The following RASGRF1 variants were observed in gnomAD, a reference collection of about 807,000 sequenced individuals.
RASGRF1 encodes ras-specific guanine nucleotide-releasing factor 1.
A neutral mutation model predicts 138.7 loss-of-function variants in RASGRF1; 40 were observed. The ratio of observed to expected loss-of-function variants is 0.29; its 90% CI spans 0.22 to 0.38. The LOEUF (loss-of-function observed/expected upper bound fraction) is 0.38, where lower values mean the gene tolerates loss of function less well. Among genes scored for constraint, RASGRF1 ranks in the 10% least tolerant of loss-of-function variants. The pLI is 1.00. For missense variants in RASGRF1, 1,108 were observed against 1,650.4 expected, an observed-to-expected ratio of 0.67 and a Z score of 5.69; for synonymous variants, 614 against 663.2, an observed-to-expected ratio of 0.93 and a Z score of 1.14.
At position 79,032,269 on chromosome 15, in the gene RASGRF1, A is replaced by C; in HGVS notation, c.1006T>G (p.Phe336Val). 1 of 1,613,898 alleles carries C rather than the reference A, an allele frequency of 6.2e-7. No homozygotes were observed. The highest frequency in any genetic ancestry group is 8.5e-7 in the Non-Finnish European group (1 of 1,179,922). ...LLPMLNIYQEFVRNHQYSLQI... is the reference protein window; with the variant it reads ...LLPMLNIYQEVVRNHQYSLQI... ...AGGCTGTACTGGTGGTTGCGGACGAACTCTTGGTAGATGTTGAGCATGGGC... is the reference window on the plus strand; with the variant it reads ...AGGCTGTACTGGTGGTTGCGGACGACCTCTTGGTAGATGTTGAGCATGGGC... Residue 336 changes from phenylalanine (F) to valine (V), a missense_variant, in exon 7 of 27, where the codon TTC becomes GTC. Physicochemically the swap from Phe to Val is conservative, Grantham distance 50 (BLOSUM62 -1). This residue lies in a region of RASGRF1 where 169 missense variants were observed against 344.2 expected (regional missense o/e 0.49). Coordinates refer to ENST00000558480, the MANE Select transcript of RASGRF1 (RefSeq NM_001145648.3). This position sits in a 1 kb window ranked among gnomAD's most constrained non-coding sequence, Gnocchi z 4.5.
intron 24 of RASGRF1, among the ~76,000 whole-genome samples, chr15:78,974,307 G>A (rs904922863): frequency 6.6e-6 from 1 of 152,168 alleles, no homozygotes; most frequent in African/African-American, 2.4e-5. Context: ...ACACAGATGC[G>A]GTGGCATCAT....
chr15:79,031,275 G>A (rs1031705014), intron 8 of RASGRF1, 125 bp downstream of exon 8: 3 of 752,964 alleles, frequency 4.0e-6, no homozygotes, highest in Middle Eastern at 7.6e-4. Context: ...GTGGCAAGCT[G>A]TGCCCCTCCC....
Position 79,090,308 on chromosome 15 carries a change from C to A in RASGRF1, c.191G>T (p.Gly64Val). Reference protein sequence around the residue: ...FESDSSSRPSGLYLLEGCVCD... With the variant: ...FESDSSSRPSVLYLLEGCVCD... ...GACGCAGCCCTCCAGCAGGTAAAGC[C>A]CCGAGGGCCGCGAGCTCGAGTCGCT... Residue 64 changes from glycine (G) to valine (V), a missense_variant, in exon 1 of 27, where the codon GGG becomes GTG. By Grantham distance (109) the Gly-to-Val change is moderately radical. This residue lies in a region of RASGRF1 where 253 missense variants were observed against 329.5 expected (regional missense o/e 0.77). Coordinates refer to ENST00000558480, the MANE Select transcript of RASGRF1 (RefSeq NM_001145648.3). 6.2e-7 allele frequency: 1 copy of A among 1,613,744 alleles called. No individual in the cohort carries two copies. Among genetic ancestry groups the A allele is most frequent in the Non-Finnish European group, 8.5e-7 (1 of 1,179,954 alleles).
chr15:79,024,159 C>T (rs550102271), intron 10 of RASGRF1, among the ~76,000 whole-genome samples: 2 of 151,710 alleles, frequency 1.3e-5, no homozygotes, highest in East Asian at 1.9e-4. Flanking sequence ...CACACATATA[C>T]ACATATACCA....
In RASGRF1 at chr15:79,090,270, G is replaced by A; in HGVS notation, c.229C>T (p.Pro77Ser). ...LLEGCVCDRA[P>S]SPKPALSAKE... ...GCCGACAGCGCCGGCTTGGGGGAGG[G>A]CGCGCGGTCGCAGACGCAGCCCTCC... is the stretch of plus-strand genomic sequence containing the variant. Residue 77 changes from proline to serine, a missense_variant, in exon 1 of 27, where the codon CCC becomes TCC. This residue lies in a region of RASGRF1 where 253 missense variants were observed against 329.5 expected (regional missense o/e 0.77). Transcript: ENST00000558480. 6.2e-7 allele frequency: 1 copy of A among 1,611,248 alleles called. No homozygotes were observed. Among genetic ancestry groups the A allele is most frequent in the East Asian group, 2.2e-5 (1 of 44,828 alleles).
At chr15:79,017,602 G>A (rs2056897295) in intron 12 of RASGRF1, among the ~76,000 whole-genome samples, 168 bp downstream of exon 12, 1 of 152,188 alleles carries the variant, frequency 6.6e-6, no homozygotes, top group African/African-American at 2.4e-5. Context: ...TGGACTAGCT[G>A]AGCTCAGCTT....
chr15:79,046,651 CGGTG>C lies in RASGRF1; in HGVS notation c.878+91_878+94del. ...GTCCTCTCTGGGCCTCATCTGCACT[CGGTG>C]GGAACCACGTGAGAGAGTGTGTCAA... is the stretch of plus-strand genomic sequence containing the variant. On this transcript the variant is annotated intron_variant, in intron 5 of 26. Coordinates refer to ENST00000558480, the MANE Select transcript of RASGRF1 (RefSeq NM_001145648.3). This position sits in a 1 kb window ranked among gnomAD's most constrained non-coding sequence, Gnocchi z 5.3. 6.4e-7 allele frequency: 1 copy of C among 1,556,352 alleles called. No homozygotes were observed. The highest frequency in any genetic ancestry group is 8.8e-7 in the Non-Finnish European group (1 of 1,142,800).
In RASGRF1 at chr15:79,003,815, C is replaced by G. The variant is rs777901901; in HGVS notation, c.2436G>C (p.Ala812=). 6 of 1,599,880 alleles carry G rather than the reference C, an allele frequency of 3.8e-6. No homozygotes were observed. The South Asian group carries it at 6.7e-5, about 18-fold the overall frequency. The stretch of plus-strand genomic sequence containing the variant: ...ATGGCCACTCACTCTGCTTGCTGAG[C>G]GCTGAAGGGTCTTCGGGCTTCTCAG... ...TTPEKPEDPS[A]LSKQSSEVSM... The change falls in exon 15 of 27, where the codon GCG becomes GCC. Residue 812 remains alanine, a synonymous_variant. Transcript: ENST00000558480.
At chr15:79,048,576 A>G (rs1313248343) in intron 4 of RASGRF1, among the ~76,000 whole-genome samples, 5 of 152,334 alleles carry the variant, frequency 3.3e-5, no homozygotes, top group African/African-American at 1.2e-4. Flanking sequence ...TGGCACATAA[A>G]AAGTAGTTAA....
intron 13 of RASGRF1, among the ~76,000 whole-genome samples, chr15:79,008,736 G>A (rs982928158): frequency 2.0e-5 from 3 of 152,204 alleles, no homozygotes; most frequent in Admixed American, 6.5e-5. Flanking sequence ...GCAACACAGA[G>A]TGGACAGAGA....
chr15:79,017,981 C>T, intron 11 of RASGRF1, 75 bp from the exon 12 acceptor site: 1 of 1,569,640 alleles, frequency 6.4e-7, no homozygotes, highest in Non-Finnish European at 8.7e-7. Flanking sequence ...TTAGTGGTCC[C>T]TGTCGTACGT....
At chr15:79,002,952 G>A (rs967290773) in intron 15 of RASGRF1, among the ~76,000 whole-genome samples, 8 of 152,362 alleles carry the variant, frequency 5.3e-5, no homozygotes, top group African/African-American at 1.9e-4. Context: ...GTGTGTGCAC[G>A]TGCTCTCATG....
intron 5 of RASGRF1, among the ~76,000 whole-genome samples, chr15:79,040,578 A>G (rs895341754): frequency 2.6e-5 from 4 of 152,294 alleles, no homozygotes; most frequent in African/African-American, 9.6e-5. Flanking sequence ...GCCTTTGCAC[A>G]GGCCATTCCC....
chr15:78,992,143 A>T (rs986497500), intron 20 of RASGRF1, among the ~76,000 whole-genome samples: 1 of 152,248 alleles, frequency 6.6e-6, no homozygotes, highest in Non-Finnish European at 1.5e-5. Flanking sequence ...TGGGCTGACT[A>T]GGACTGGAGC....
At chr15:78,974,413 G>A (rs547262192) in intron 24 of RASGRF1, among the ~76,000 whole-genome samples, 17 of 152,246 alleles carry the variant, frequency 1.1e-4, no homozygotes, top group East Asian at 3.9e-4. Context: ...AGGTGAGGCC[G>A]GGAGGATGAT....
intron 5 of RASGRF1, among the ~76,000 whole-genome samples, chr15:79,044,741 G>A (rs1214486674): frequency 2.1e-4 from 32 of 152,192 alleles, no homozygotes; most frequent in Non-Finnish European, 2.9e-5. Flanking sequence ...TCAGCTTCAT[G>A]AGAAGGCAAA....
intron 24 of RASGRF1, among the ~76,000 whole-genome samples, chr15:78,976,158 G>T (rs2055866083): frequency 6.6e-6 from 1 of 151,982 alleles, no homozygotes; most frequent in South Asian, 2.1e-4. Context: ...ATCACTGAGG[G>T]TCGACTTCCC....
chr15:79,022,748 T>C (rs1280731907), intron 10 of RASGRF1, among the ~76,000 whole-genome samples: 4 of 152,204 alleles, frequency 2.6e-5, no homozygotes, highest in Admixed American at 2.6e-4. Flanking sequence ...GCCAACCAGC[T>C]AATTTGTGGC....
intron 23 of RASGRF1, chr15:78,984,603 A>C (rs1166962979): frequency 7.7e-6 from 2 of 260,044 alleles, no homozygotes; most frequent in East Asian, 1.7e-4. Flanking sequence ...GGATCATCTG[A>C]CGGAAGTGTC....
Sources: gnomAD v4.1 joint callset for allele counts (sites outside exome capture counted in the v4.1 genomes callset) on GRCh38, gnomAD v4.1.1 for gene constraint, gnomAD v4.1.1 regional missense constraint, Gnocchi (gnomAD v3.1) non-coding constraint, MANE v1.5 for transcripts, NCBI Gene and HGNC (gene_info 2026-07-23, HGNC 2026-07-21) for gene names.